FAM135A: variants seen among roughly 807,000 people sequenced by gnomAD.
The protein encoded by FAM135A is protein FAM135A.
In FAM135A, 79 loss-of-function variants were observed where a neutral mutation model predicts 146.8. The observed-to-expected ratio is 0.54, with a 90% CI of 0.45 to 0.65. The LOEUF (loss-of-function observed/expected upper bound fraction) is 0.65. Among genes scored for constraint, FAM135A ranks in the 30% least tolerant of loss-of-function variants. The pLI, the probability that FAM135A is intolerant of heterozygous loss-of-function variation, is 0.00. For missense variants in FAM135A, 1,623 were observed against 1,758.2 expected, an observed-to-expected ratio of 0.92 and a Z score of 1.38; for synonymous variants, 562 against 603.6, an observed-to-expected ratio of 0.93 and a Z score of 1.01.
In FAM135A at chr6:70,435,475, G is replaced by A. The variant is rs946158453; in HGVS notation, c.77+7056G>A. ...ACTTAAATCCTTTTGGAAAACCTCT[G>A]TAGAACCCTGTAAACCAGGTTTGAT... On this transcript the variant is annotated intron_variant, in intron 4 of 21. Transcript: ENST00000418814. Among the ~76,000 whole-genome samples, 4 of 151,956 alleles carry A rather than the reference G, an allele frequency of 2.6e-5. No homozygotes were observed. In the East Asian group the frequency reaches 7.7e-4, roughly 29 times the overall value.
intron 8 of FAM135A, among the ~76,000 whole-genome samples, chr6:70,477,613 G>A (rs1782873327): frequency 6.6e-6 from 1 of 152,006 alleles, no homozygotes; most frequent in African/African-American, 2.4e-5. Context: ...GATCTCATGA[G>A]AACTCACTCA....
At chr6:70,489,496 G>A (rs896426739) in intron 10 of FAM135A, among the ~76,000 whole-genome samples, 9 of 152,140 alleles carry the variant, frequency 5.9e-5, no homozygotes, top group Admixed American at 3.3e-4. Context: ...GGGGTACAGC[G>A]TCCTTGATTC....
chr6:70,455,697 C>T (rs1412320373), intron 5 of FAM135A, among the ~76,000 whole-genome samples: 1 of 152,016 alleles, frequency 6.6e-6, no homozygotes, highest in African/African-American at 2.4e-5. Flanking sequence ...AGAAAATCCT[C>T]AGATTTTAGT....
chr6:70,536,199 C>T, intron 18 of FAM135A, 61 bp from the exon 19 acceptor site: 1 of 1,485,864 alleles, frequency 6.7e-7, no homozygotes, highest in Non-Finnish European at 9.0e-7. Flanking sequence ...AGTGGATCAG[C>T]TTTGATTTTT....
At chr6:70,471,759 G>C (rs1024112551) in intron 5 of FAM135A, among the ~76,000 whole-genome samples, 2 of 152,136 alleles carry the variant, frequency 1.3e-5, no homozygotes, top group Non-Finnish European at 2.9e-5. Context: ...TCAAATTACA[G>C]ATGGATTGCA....
intron 4 of FAM135A, among the ~76,000 whole-genome samples, chr6:70,435,082 T>C (rs1772675357): frequency 2.0e-4 from 7 of 35,498 alleles, no homozygotes; most frequent in African/African-American, 7.0e-4. Context: ...TGTGTGTGTG[T>C]ATATATATAT....
At chr6:70,519,097 A>C (rs1792954624) in intron 12 of FAM135A, among the ~76,000 whole-genome samples, 1 of 152,252 alleles carries the variant, frequency 6.6e-6, no homozygotes, top group Non-Finnish European at 1.5e-5. Flanking sequence ...GATTCAAGGA[A>C]GGAGGTCAAA....
intron 5 of FAM135A, among the ~76,000 whole-genome samples, chr6:70,453,625 T>A (rs748081493): frequency 6.6e-6 from 1 of 151,666 alleles, no homozygotes; most frequent in Non-Finnish European, 1.5e-5. Flanking sequence ...CCAAGTGTTC[T>A]CACTGTTCAG....
chr6:70,554,283 C>T (rs1022419161), intron 20 of FAM135A, among the ~76,000 whole-genome samples: 3 of 152,158 alleles, frequency 2.0e-5, no homozygotes, highest in Non-Finnish European at 4.4e-5. Context: ...TTTGGACTTA[C>T]TTGGAGAAGA....
chr6:70,460,282 T>TC (rs1211618840), intron 5 of FAM135A, among the ~76,000 whole-genome samples: 1 of 152,216 alleles, frequency 6.6e-6, no homozygotes, highest in African/African-American at 2.4e-5. Flanking sequence ...CTCTGTAGCT[T>TC]CAAACAGTAT....
Position 70,524,471 on chromosome 6 carries a change from G to C in FAM135A, c.1387G>C (p.Gly463Arg). The change falls in exon 15 of 22, where the codon GGT (glycine) becomes CGT (arginine). Residue 463 changes from glycine (G) to arginine (R), a missense_variant. Coordinates refer to ENST00000418814, the MANE Select transcript of FAM135A (RefSeq NM_001162529.3). ...CCCAGAGTTGAAAGTCAGACCTGCT[G>C]GTGCCTCCAGTATTTGGTATACAGA... ...SSPELKVRPA[G>R]ASSIWYTEGE... 6.4e-7 allele frequency: 1 copy of C among 1,551,042 alleles called. No individual in the cohort carries two copies. The highest frequency in any genetic ancestry group is 8.7e-7 in the Non-Finnish European group (1 of 1,146,726).
At chr6:70,516,268 A>G (rs1285497780) in intron 12 of FAM135A, among the ~76,000 whole-genome samples, 1 of 152,132 alleles carries the variant, frequency 6.6e-6, no homozygotes, top group Non-Finnish European at 1.5e-5. Context: ...TGTGCAAGTG[A>G]TTAACAGGGT....
chr6:70,506,644 C>T (rs1235632485), intron 12 of FAM135A, among the ~76,000 whole-genome samples: 1 of 151,042 alleles, frequency 6.6e-6, no homozygotes, highest in Admixed American at 6.6e-5. Context: ...TTTTAGTGAC[C>T]AGTAGAAGTA....
chr6:70,451,362 C>G (rs1394017330), intron 4 of FAM135A, among the ~76,000 whole-genome samples: 1 of 152,126 alleles, frequency 6.6e-6, no homozygotes, highest in Non-Finnish European at 1.5e-5. Flanking sequence ...TTTGCTTGAT[C>G]TTTAGTCAAA....
At chr6:70,435,242 T>G (rs778184053) in intron 4 of FAM135A, among the ~76,000 whole-genome samples, 2 of 151,586 alleles carry the variant, frequency 1.3e-5, no homozygotes, top group Non-Finnish European at 2.9e-5. Context: ...ATAGCTGGGA[T>G]TACAGGTGCC....
chr6:70,545,525 G>C (rs1197415803), intron 20 of FAM135A, among the ~76,000 whole-genome samples: 2 of 152,114 alleles, frequency 1.3e-5, no homozygotes, highest in Non-Finnish European at 2.9e-5. Flanking sequence ...TGAGGCAGGA[G>C]AATTGCTTGA....
intron 4 of FAM135A, 135 bp downstream of exon 4, chr6:70,428,554 A>C: frequency 2.0e-6 from 1 of 499,394 alleles, no homozygotes; most frequent in African/African-American, 2.0e-5. Flanking sequence ...TTCTCAGATA[A>C]ATTTTATTTA....
Position 70,548,825 on chromosome 6 carries a change from C to CTGAG in FAM135A, c.4229-7922_4229-7919dup, listed in dbSNP as rs1562023959. On this transcript the variant is annotated intron_variant, in intron 20 of 21. Coordinates refer to ENST00000418814, the MANE Select transcript of FAM135A (RefSeq NM_001162529.3). Reference sequence around the variant, plus strand: ...AGGTGACAGGTAATATTGTTTATGCCTGAGTGGTATAATGTGTACTGCTGT... The same window carrying CTGAG: ...AGGTGACAGGTAATATTGTTTATGCCTGAGTGAGTGGTATAATGTGTACTGCTGT... Among the ~76,000 whole-genome samples, 3 of 151,894 alleles carry CTGAG rather than the reference C, an allele frequency of 2.0e-5. No homozygotes were observed. The East Asian group carries it at 5.8e-4, about 29-fold the overall frequency.
chr6:70,502,740 G>A lies in FAM135A; in HGVS notation c.978G>A (p.Thr326=), dbSNP rs370883888. The part of the protein sequence containing the change: ...ALWGQFLEVI[T]LHEELRILLA... ...GGGGACAGTTTCTGGAAGTTATAAC[G>A]CTACACGAAGAACTAAGAATATTAT... is the stretch of plus-strand genomic sequence containing the variant. Residue 326 remains threonine (T), a synonymous_variant, in exon 12 of 22, where the codon ACG becomes ACA. Transcript: ENST00000418814. 4.9e-5 allele frequency: 79 copies of A among 1,612,816 alleles called. 1 individual carries two copies. The highest frequency in any genetic ancestry group is 1.1e-4 in the African/African-American group (8 of 74,962).
Sources: allele counts gnomAD v4.1 joint callset (sites outside exome capture counted in the v4.1 genomes callset), GRCh38; gene constraint gnomAD v4.1.1; transcripts MANE v1.5; gene names NCBI Gene and HGNC (gene_info 2026-07-23, HGNC 2026-07-21).